The following HTR1F variants were observed in gnomAD, a reference collection of about 807,000 sequenced individuals.
HTR1F encodes 5-hydroxytryptamine receptor 1F, also known as 5-hydroxytryptamine (serotonin) receptor 1F, G protein-coupled.
HTR1F carries 17 observed loss-of-function variants against 24.0 expected under a neutral mutation model. That is an observed-to-expected ratio of 0.71 (90% CI 0.48 to 1.06). HTR1F has a LOEUF of 1.06. Ranked by LOEUF, HTR1F falls within the 50% of genes least tolerant of loss-of-function variation. HTR1F has a pLI of 0.00. For synonymous variants in HTR1F, 186 were observed against 156.8 expected (o/e 1.19, Z -1.39); for missense variants, 391 against 427.8 (o/e 0.91, Z 0.76).
chr3:87,837,735 A>T (rs1483541334), intron 2 of HTR1F, among the ~76,000 whole-genome samples: 1 of 152,096 alleles, frequency 6.6e-6, no homozygotes, highest in African/African-American at 2.4e-5. Flanking sequence ...TTTTCACCTC[A>T]TATTTTCTAT....
chr3:87,885,365 C>A (rs1173441591), intron 2 of HTR1F, among the ~76,000 whole-genome samples: 1 of 152,092 alleles, frequency 6.6e-6, no homozygotes, highest in Non-Finnish European at 1.5e-5. Flanking sequence ...AAATTTATAG[C>A]ACTAAATGCC....
intron 1 of HTR1F, among the ~76,000 whole-genome samples, chr3:87,811,464 A>G (rs1214525628): frequency 6.6e-6 from 1 of 152,220 alleles, no homozygotes; most frequent in African/African-American, 2.4e-5. Flanking sequence ...CATAAAGGAT[A>G]TGACAATGAT....
intron 2 of HTR1F, among the ~76,000 whole-genome samples, chr3:87,931,511 G>A (rs1166231884): frequency 2.0e-5 from 3 of 152,082 alleles, no homozygotes; most frequent in Non-Finnish European, 4.4e-5. Flanking sequence ...ATAAACATAC[G>A]TGTGCATGTG....
chr3:87,984,356 A>C (rs1705615559), intron 2 of HTR1F, among the ~76,000 whole-genome samples: 1 of 151,690 alleles, frequency 6.6e-6, no homozygotes, highest in Admixed American at 6.6e-5. Flanking sequence ...CTTAATGACA[A>C]GTACAAAGTG....
intron 2 of HTR1F, among the ~76,000 whole-genome samples, chr3:87,943,660 G>A (rs1024446660): frequency 2.1e-4 from 32 of 152,184 alleles, no homozygotes; most frequent in Non-Finnish European, 1.6e-4. Flanking sequence ...ACATAATTGC[G>A]AGTTGTCTCT....
intron 2 of HTR1F, among the ~76,000 whole-genome samples, chr3:87,959,899 A>G (rs892701513): frequency 3.7e-4 from 56 of 151,948 alleles, no homozygotes; most frequent in African/African-American, 1.3e-3. Context: ...ATAGAAAAAG[A>G]TATCAAACTT....
intron 2 of HTR1F, among the ~76,000 whole-genome samples, chr3:87,932,130 C>A (rs1704291024): frequency 6.6e-6 from 1 of 152,046 alleles, no homozygotes; most frequent in Admixed American, 6.6e-5. Flanking sequence ...ATGCCTATGT[C>A]CTGAATGGTA....
rs141849948 is a variant in HTR1F, at chr3:87,842,589, G to A, written c.-43+20465G>A. On this transcript the variant is annotated intron_variant, in intron 2 of 2. Coordinates refer to ENST00000319595, the MANE Select transcript of HTR1F (RefSeq NM_001322209.2). Reference sequence around the variant, plus strand: ...AAATAATTTCCTGGGGAAAAAAACCGTCTTAAATAATGACAAGTACTAAAT... The same window carrying A: ...AAATAATTTCCTGGGGAAAAAAACCATCTTAAATAATGACAAGTACTAAAT... Among the ~76,000 whole-genome samples, 70 of 151,888 alleles carry A rather than the reference G, an allele frequency of 4.6e-4. 2 individuals carry two copies. Among genetic ancestry groups the A allele is most frequent in the East Asian group, 2.1e-3 (11 of 5,190 alleles).
intron 2 of HTR1F, among the ~76,000 whole-genome samples, chr3:87,961,621 C>T (rs1705061938): frequency 6.6e-6 from 1 of 151,900 alleles, no homozygotes; most frequent in South Asian, 2.1e-4. Context: ...ATGAATGAAA[C>T]ATAACTTTAA....
intron 2 of HTR1F, among the ~76,000 whole-genome samples, chr3:87,853,425 A>G (rs1451892462): frequency 1.3e-5 from 2 of 152,114 alleles, no homozygotes; most frequent in Non-Finnish European, 2.9e-5. Flanking sequence ...GCTGCATAGT[A>G]TTCCATGGTA....
At chr3:87,810,681 G>A (rs1053434480) in intron 1 of HTR1F, among the ~76,000 whole-genome samples, 5 of 152,118 alleles carry the variant, frequency 3.3e-5, no homozygotes, top group Non-Finnish European at 7.4e-5. Flanking sequence ...GAAGATGTTG[G>A]TATCACTAGT....
chr3:87,944,155 T>C (rs1428105013), intron 2 of HTR1F, among the ~76,000 whole-genome samples: 2 of 152,190 alleles, frequency 1.3e-5, no homozygotes, highest in Non-Finnish European at 2.9e-5. Flanking sequence ...TGGATTCTAG[T>C]GGTCCTTTAC....
rs565687063 is a variant in HTR1F, at chr3:87,864,757, G to A, written c.-43+42633G>A. Among the ~76,000 whole-genome samples the A allele has an allele frequency of 1.1e-3, 162 of 151,996 alleles. No individual in the cohort carries two copies. In the South Asian group the frequency reaches 0.026, roughly 24 times the overall value. On this transcript the variant is annotated intron_variant, in intron 2 of 2. Transcript: ENST00000319595. Reference sequence around the variant, plus strand: ...CTAAAAATACAAAAATTAGCTGGTTGCGGTGGTGAGCACCTGTAATCCCCG... The same window carrying A: ...CTAAAAATACAAAAATTAGCTGGTTACGGTGGTGAGCACCTGTAATCCCCG...
chr3:87,846,617 T>G (rs1704951296), intron 2 of HTR1F, among the ~76,000 whole-genome samples: 1 of 151,982 alleles, frequency 6.6e-6, no homozygotes, highest in South Asian at 2.1e-4. Flanking sequence ...TTTGTTTGTT[T>G]GTTTTGAGCT....
chr3:87,893,827 C>T (rs1293339089), intron 2 of HTR1F, among the ~76,000 whole-genome samples: 1 of 152,154 alleles, frequency 6.6e-6, no homozygotes, highest in Non-Finnish European at 1.5e-5. Context: ...TCATTAATTT[C>T]ATTATAATGC....
chr3:87,840,351 G>A (rs1704775003), intron 2 of HTR1F, among the ~76,000 whole-genome samples: 1 of 152,076 alleles, frequency 6.6e-6, no homozygotes, highest in South Asian at 2.1e-4. Flanking sequence ...AATTATCAGA[G>A]AAATGCAAAT....
intron 2 of HTR1F, among the ~76,000 whole-genome samples, chr3:87,960,946 CCTAA>C (rs552608361): frequency 7.6e-4 from 116 of 151,936 alleles, no homozygotes; most frequent in African/African-American, 2.6e-3. Flanking sequence ...TTTAGAATTT[CCTAA>C]CTGTGTTTTC....
At chr3:87,917,353 C>A (rs1418620652) in intron 2 of HTR1F, among the ~76,000 whole-genome samples, 10 of 143,680 alleles carry the variant, frequency 7.0e-5, no homozygotes, top group Non-Finnish European at 1.4e-4. Context: ...TGGAAATAAC[C>A]AAGATCAGAG....
chr3:87,815,501 G>A (rs1458192263), intron 1 of HTR1F, among the ~76,000 whole-genome samples: 2 of 151,912 alleles, frequency 1.3e-5, no homozygotes, highest in Admixed American at 6.6e-5. Context: ...TGTATTGACG[G>A]CTTTATTTAT....
Sources: gnomAD v4.1 joint callset for allele counts (sites outside exome capture counted in the v4.1 genomes callset) on GRCh38, gnomAD v4.1.1 for gene constraint, MANE v1.5 for transcripts, NCBI Gene and HGNC (gene_info 2026-07-23, HGNC 2026-07-21) for gene names.